The following PAPPA2 variants were observed in gnomAD, a reference collection of about 807,000 sequenced individuals.
PAPPA2 encodes pappalysin 2, also known as pappalysin-2.
Under a neutral mutation model 176.4 loss-of-function variants are expected in PAPPA2, and 86 were observed. The ratio of observed to expected loss-of-function variants is 0.49; its 90% confidence interval spans 0.41 to 0.58. PAPPA2 has a LOEUF of 0.58. Among genes scored for constraint, PAPPA2 ranks in the 20% least tolerant of loss-of-function variants. PAPPA2 has a pLI of 0.00. For missense variants in PAPPA2, 2,073 were observed against 2,256.9 expected, an observed-to-expected ratio of 0.92 and a Z score of 1.65; for synonymous variants, 809 against 852.2, an observed-to-expected ratio of 0.95 and a Z score of 0.88.
rs555378747 is a variant in PAPPA2, at chr1:176,600,600, C to T, written c.1991+5005C>T. ...CTGAGGCAGGAGAATGGCGTGAACCCGGGAGGCGGAGCTTGCAGTGAGCCG... is the reference window on the plus strand; with the variant it reads ...CTGAGGCAGGAGAATGGCGTGAACCTGGGAGGCGGAGCTTGCAGTGAGCCG... On this transcript the variant is annotated intron_variant, in intron 3 of 22. Coordinates refer to ENST00000367662, the MANE Select transcript of PAPPA2 (RefSeq NM_020318.3). Among the ~76,000 whole-genome samples the T allele has an allele frequency of 3.0e-3, 430 of 143,586 alleles. 2 individuals are homozygous for T. Among genetic ancestry groups the T allele is most frequent in the Middle Eastern group, 7.9e-3 (2 of 254 alleles). The allele number at this position is 143,586 out of a possible 152,430, so 94.2% of individuals were successfully genotyped here. A position where few individuals can be genotyped will look rare whatever the true frequency, so the allele number is the denominator to read the frequency against.
chr1:176,798,556 T>C (rs1420448412), intron 20 of PAPPA2, among the ~76,000 whole-genome samples: 11 of 152,210 alleles, frequency 7.2e-5, no homozygotes, highest in Admixed American at 2.0e-4. Flanking sequence ...GTACAAACCA[T>C]TGATATTTTA....
At chr1:176,815,467 T>C (rs1666336529) in intron 21 of PAPPA2, among the ~76,000 whole-genome samples, 1 of 152,134 alleles carries the variant, frequency 6.6e-6, no homozygotes, top group Non-Finnish European at 1.5e-5. Flanking sequence ...TTTTTGTTGT[T>C]GTTTTTGCTT....
intron 1 of PAPPA2, among the ~76,000 whole-genome samples, chr1:176,513,347 A>AT (rs1187004650): frequency 6.6e-6 from 1 of 151,236 alleles, no homozygotes; most frequent in Admixed American, 6.6e-5. Context: ...TTTTTTCTTT[A>AT]TTTTTTCTTT....
At chr1:176,813,496 A>G (rs113022938) in intron 21 of PAPPA2, among the ~76,000 whole-genome samples, 5 of 152,342 alleles carry the variant, frequency 3.3e-5, no homozygotes, top group South Asian at 2.1e-4. Flanking sequence ...CTGGCATGAA[A>G]TGATATCTCA....
chr1:176,468,478 T>C (rs536399216), intron 1 of PAPPA2, among the ~76,000 whole-genome samples: 2 of 152,166 alleles, frequency 1.3e-5, no homozygotes, highest in African/African-American at 2.4e-5. Flanking sequence ...GTCCCATCTC[T>C]TCTCTATTCC....
At chr1:176,671,842 A>G (rs1659021365) in intron 4 of PAPPA2, among the ~76,000 whole-genome samples, 1 of 144,822 alleles carries the variant, frequency 6.9e-6, no homozygotes, top group South Asian at 2.2e-4. Flanking sequence ...CTTCTCACTC[A>G]TAGGTGGGAA....
intron 1 of PAPPA2, among the ~76,000 whole-genome samples, chr1:176,522,631 T>C (rs1397024585): frequency 1.3e-5 from 2 of 151,924 alleles, no homozygotes; most frequent in Non-Finnish European, 2.9e-5. Context: ...CCAGTGCTGT[T>C]CTCTCTCTCT....
intron 1 of PAPPA2, among the ~76,000 whole-genome samples, chr1:176,538,719 C>A (rs1027142566): frequency 2.0e-5 from 3 of 151,880 alleles, no homozygotes; most frequent in African/African-American, 7.2e-5. Flanking sequence ...CAGGCAATCT[C>A]CTTTAAAAGT....
At chr1:176,687,252 A>T (rs1659880690) in intron 4 of PAPPA2, among the ~76,000 whole-genome samples, 2 of 152,112 alleles carry the variant, frequency 1.3e-5, no homozygotes, top group African/African-American at 4.8e-5. Flanking sequence ...TGTTTGGTTA[A>T]AACTTTATTC....
intron 2 of PAPPA2, among the ~76,000 whole-genome samples, chr1:176,557,825 A>C (rs1032596353): frequency 6.6e-6 from 1 of 152,218 alleles, no homozygotes; most frequent in African/African-American, 2.4e-5. Context: ...TCATGTGTCC[A>C]GCTTAGGAAC....
At chr1:176,511,290 A>G (rs1403052532) in intron 1 of PAPPA2, among the ~76,000 whole-genome samples, 1 of 152,236 alleles carries the variant, frequency 6.6e-6, no homozygotes, top group Non-Finnish European at 1.5e-5. Flanking sequence ...ATTATGATAC[A>G]GAAAAAGCAT....
At chr1:176,808,016 C>A (rs1178718335) in intron 21 of PAPPA2, among the ~76,000 whole-genome samples, 1 of 152,130 alleles carries the variant, frequency 6.6e-6, no homozygotes, top group Non-Finnish European at 1.5e-5. Context: ...AAGGAGTTGA[C>A]CCCATCTCGG....
chr1:176,740,751 G>A (rs993845462), intron 14 of PAPPA2, among the ~76,000 whole-genome samples: 2 of 152,124 alleles, frequency 1.3e-5, no homozygotes, highest in Admixed American at 6.6e-5. Context: ...AGCAGCTATT[G>A]GAGGGATTGT....
At chr1:176,545,415 A>AAAT (rs1650578559) in intron 1 of PAPPA2, among the ~76,000 whole-genome samples, 3 of 146,284 alleles carry the variant, frequency 2.1e-5, no homozygotes, top group African/African-American at 7.6e-5. Flanking sequence ...AACCTCAGAA[A>AAAT]AAATAAATAA....
intron 15 of PAPPA2, among the ~76,000 whole-genome samples, chr1:176,768,696 C>G (rs1361017970): frequency 6.6e-6 from 1 of 152,124 alleles, no homozygotes; most frequent in Non-Finnish European, 1.5e-5. Flanking sequence ...AGGACAGGAC[C>G]TGGCCCTCTT....
At chr1:176,465,603 A>G (rs1186322635) in intron 1 of PAPPA2, among the ~76,000 whole-genome samples, 2 of 148,254 alleles carry the variant, frequency 1.3e-5, no homozygotes, top group Admixed American at 6.7e-5. Context: ...TTTCTTTTCT[A>G]CTGTAACCTC....
At chr1:176,748,978 T>C (rs770278292) in intron 14 of PAPPA2, among the ~76,000 whole-genome samples, 1 of 133,304 alleles carries the variant, frequency 7.5e-6, no homozygotes, top group Non-Finnish European at 1.6e-5. Context: ...AACACAAAAA[T>C]TAAAAAGTTA....
At chr1:176,731,673 A>G (rs1158267614) in intron 12 of PAPPA2, among the ~76,000 whole-genome samples, 5 of 151,388 alleles carry the variant, frequency 3.3e-5, no homozygotes, top group African/African-American at 1.2e-4. Context: ...GTGTACATAT[A>G]TGTGTATATA....
At chr1:176,520,681 G>C (rs1428292668) in intron 1 of PAPPA2, among the ~76,000 whole-genome samples, 1 of 152,204 alleles carries the variant, frequency 6.6e-6, no homozygotes, top group Non-Finnish European at 1.5e-5. Context: ...GCTGGTTGCA[G>C]AGTAAGTGTG....
Sources: gnomAD v4.1 joint callset for allele counts (sites outside exome capture counted in the v4.1 genomes callset) on GRCh38, gnomAD v4.1.1 for gene constraint, MANE v1.5 for transcripts, NCBI Gene and HGNC (gene_info 2026-07-23, HGNC 2026-07-21) for gene names.